Variants in SLC9A1 observed in about 807,000 individuals in gnomAD.
SLC9A1 encodes solute carrier family 9 member A1.
Under a neutral mutation model 67.9 loss-of-function variants are expected in SLC9A1, and 22 were observed. The ratio of observed to expected loss-of-function variants is 0.32; its 90% confidence interval spans 0.23 to 0.46. The LOEUF (loss-of-function observed/expected upper bound fraction) is 0.46, where lower values mean the gene tolerates loss of function less well. Among genes scored for constraint, SLC9A1 ranks in the 20% least tolerant of loss-of-function variants. SLC9A1 has a pLI of 1.00. For synonymous variants in SLC9A1, 421 were observed against 471.8 expected (o/e 0.89, Z 1.40); for missense variants, 686 against 1,094.8 (o/e 0.63, Z 5.27).
intron 1 of SLC9A1, among the ~76,000 whole-genome samples, chr1:27,129,666 T>C (rs752315400): frequency 6.6e-6 from 1 of 152,134 alleles, no homozygotes; most frequent in Non-Finnish European, 1.5e-5. Context: ...GGGACGGAAC[T>C]TGGTTGACGT....
At chr1:27,145,292 G>A (rs1471828995) in intron 1 of SLC9A1, among the ~76,000 whole-genome samples, 3 of 152,156 alleles carry the variant, frequency 2.0e-5, no homozygotes, top group Non-Finnish European at 4.4e-5. Flanking sequence ...CCAGGAGTCC[G>A]CCCAGCCCTG....
intron 1 of SLC9A1, among the ~76,000 whole-genome samples, chr1:27,125,237 CTTTTTTTTTTTTTT>C (rs71010327): frequency 2.9e-4 from 25 of 86,890 alleles, no homozygotes; most frequent in Non-Finnish European, 3.5e-4. Context: ...CCTTTTCTTT[CTTTTTTTTTTTTTT>C]TTTTTTTTTT....
chr1:27,132,986 T>A (rs188649486), intron 1 of SLC9A1, among the ~76,000 whole-genome samples: 1 of 152,132 alleles, frequency 6.6e-6, no homozygotes, highest in East Asian at 1.9e-4. Flanking sequence ...CATGGAAATC[T>A]TATCATGCCA....
At chr1:27,150,827 G>A (rs548129133) in intron 1 of SLC9A1, among the ~76,000 whole-genome samples, 65 of 152,224 alleles carry the variant, frequency 4.3e-4, no homozygotes, top group Admixed American at 1.4e-3. Flanking sequence ...CCATGGTTAG[G>A]GTAGGAAGGA....
At chr1:27,117,105 C>T (rs1399629648) in intron 1 of SLC9A1, among the ~76,000 whole-genome samples, 1 of 152,136 alleles carries the variant, frequency 6.6e-6, no homozygotes, top group African/African-American at 2.4e-5. Context: ...CTGGCACCCA[C>T]CGAGATCAGT....
At chr1:27,126,044 C>T (rs1043874887) in intron 1 of SLC9A1, among the ~76,000 whole-genome samples, 1 of 152,180 alleles carries the variant, frequency 6.6e-6, no homozygotes, top group Non-Finnish European at 1.5e-5. Context: ...GCCCCCACCT[C>T]AGGGCCTTTG....
chr1:27,143,250 C>G (rs1430885346), intron 1 of SLC9A1, among the ~76,000 whole-genome samples: 1 of 152,040 alleles, frequency 6.6e-6, no homozygotes, highest in Non-Finnish European at 1.5e-5. Flanking sequence ...CTTAGCAACC[C>G]CTCCTGAATG....
chr1:27,101,263 G>C lies in SLC9A1; in HGVS notation c.2050C>G (p.Leu684Val). The C allele has an allele frequency of 6.2e-7, 1 of 1,612,210 alleles. No individual in the cohort carries two copies. Among genetic ancestry groups the C allele is most frequent in the Non-Finnish European group, 8.5e-7 (1 of 1,179,898 alleles). ...TCCAGCTTGTGGGCTGGCACCGTCA[G>C]GTAGTTGTTGATCTGACAGAGAGGA... ...RQLEQKINNY[L>V]TVPAHKLDSP... The change falls in exon 11 of 12, where the codon CTG becomes GTG. Residue 684 changes from leucine to valine, a missense_variant. By Grantham distance (32) the Leu-to-Val change is conservative. Around this residue, in one of 7 missense-constraint regions of SLC9A1, gnomAD observed 226 missense variants for 282.4 expected, o/e 0.80. Transcript: ENST00000263980. This position sits in a 1 kb window ranked among gnomAD's most constrained non-coding sequence, Gnocchi z 4.9.
chr1:27,120,486 C>A (rs2083297789), intron 1 of SLC9A1, among the ~76,000 whole-genome samples: 1 of 151,664 alleles, frequency 6.6e-6, no homozygotes, highest in Non-Finnish European at 1.5e-5. Flanking sequence ...GTCTGTAATC[C>A]CATCACTTTG....
chr1:27,117,177 G>C (rs907442937), intron 1 of SLC9A1, among the ~76,000 whole-genome samples: 1 of 152,090 alleles, frequency 6.6e-6, no homozygotes, highest in Non-Finnish European at 1.5e-5. Flanking sequence ...AAGACCTGCA[G>C]TGTGCTGGAG....
chr1:27,104,208 A>G (rs1024749084), intron 5 of SLC9A1, among the ~76,000 whole-genome samples: 5 of 151,474 alleles, frequency 3.3e-5, no homozygotes, highest in African/African-American at 1.2e-4. Context: ...CAGCCTCCCA[A>G]GTAGCTGGGA....
intron 1 of SLC9A1, among the ~76,000 whole-genome samples, chr1:27,141,215 A>T (rs183165562): frequency 1.1e-3 from 169 of 152,286 alleles, no homozygotes; most frequent in African/African-American, 3.6e-3. Flanking sequence ...ATAAAAAATT[A>T]AAAAAAATTT....
At chr1:27,107,907 G>T (rs2124142625) in intron 3 of SLC9A1, 42 bp from the exon 4 acceptor site, 2 of 1,437,898 alleles carry the variant, frequency 1.4e-6, no homozygotes, top group Admixed American at 2.0e-5. Context: ...GTGTCGAGCT[G>T]CACCTGCTCG....
intron 6 of SLC9A1, 136 bp downstream of exon 6, chr1:27,103,087 C>T (rs2124130828): frequency 1.4e-6 from 1 of 719,528 alleles, no homozygotes; most frequent in Non-Finnish European, 2.5e-6. Context: ...CCCTGGCGGC[C>T]TCCTGGGGCA....
At chr1:27,102,991 G>C (rs761818783) in intron 6 of SLC9A1, among the ~76,000 whole-genome samples, 2 of 152,144 alleles carry the variant, frequency 1.3e-5, no homozygotes, top group African/African-American at 4.8e-5. Flanking sequence ...CCTATGCCTG[G>C]GATAGGTTTC....
chr1:27,153,608 T>C (rs1363012197), intron 1 of SLC9A1, among the ~76,000 whole-genome samples: 1 of 152,202 alleles, frequency 6.6e-6, no homozygotes, highest in Non-Finnish European at 1.5e-5. Flanking sequence ...GAGCAGAATG[T>C]GCCACTCGCC....
Position 27,154,490 on chromosome 1 carries a change from G to C in SLC9A1, c.-156C>G. The C allele has an allele frequency of 1.9e-6, 1 of 535,182 alleles. No homozygotes were observed. Among genetic ancestry groups the C allele is most frequent in the East Asian group, 3.2e-5 (1 of 31,432 alleles). The allele number at this position is 535,182 out of a possible 1,614,324, so 33.2% of individuals were successfully genotyped here. On this transcript the variant is annotated 5_prime_UTR_variant, in exon 1 of 12. Coordinates refer to ENST00000263980, the MANE Select transcript of SLC9A1 (RefSeq NM_003047.5). ...CATTTCCATGGAAGCAATTTTCTGG[G>C]GGTGGAGGGAGGCTGGGTTTGCAAT...
At chr1:27,141,994 G>C (rs1570883559) in intron 1 of SLC9A1, among the ~76,000 whole-genome samples, 1 of 152,212 alleles carries the variant, frequency 6.6e-6, no homozygotes, top group Non-Finnish European at 1.5e-5. Flanking sequence ...GAAGCCTCTG[G>C]GCTGTCTCAG....
chr1:27,107,657 G>T lies in SLC9A1; in HGVS notation c.1273C>A (p.Arg425Ser). 1 of 1,550,662 alleles carries T rather than the reference G, an allele frequency of 6.4e-7. No individual in the cohort carries two copies. The highest frequency in any genetic ancestry group is 2.4e-5 in the East Asian group (1 of 41,666). Residue 425 changes from arginine to serine, a missense_variant, in exon 4 of 12, where the codon CGC becomes AGC. This residue lies in a region of SLC9A1 where 168 missense variants were observed against 375.4 expected (regional missense o/e 0.45). Transcript: ENST00000263980. Reference protein sequence around the residue: ...ISTLLFCLIARVLGVLGLTWF... With the variant: ...ISTLLFCLIASVLGVLGLTWF... ...CAGCCCTGGCCCTCACCCAGCACGC[G>T]GGCGATGAGGCAGAAGAGCAGGGTG...
Sources: allele counts gnomAD v4.1 joint callset (sites outside exome capture counted in the v4.1 genomes callset), GRCh38; gene constraint gnomAD v4.1.1; regional missense constraint gnomAD v4.1.1; non-coding constraint Gnocchi (gnomAD v3.1); transcripts MANE v1.5; gene names NCBI Gene and HGNC (gene_info 2026-07-23, HGNC 2026-07-21).